DENND2B: variants seen among roughly 807,000 people sequenced by gnomAD.
DENND2B encodes DENN domain-containing protein 2B.
Under a neutral mutation model 116.0 loss-of-function variants are expected in DENND2B, and 32 were observed. The ratio of observed to expected loss-of-function variants is 0.28; its 90% CI spans 0.21 to 0.37. The LOEUF (loss-of-function observed/expected upper bound fraction) is 0.37. DENND2B is among the 10% of genes least tolerant of loss of function. The probability of loss-of-function intolerance (pLI) is 1.00; values close to 1 mark genes in which losing one functional copy is unlikely to be tolerated. For synonymous variants in DENND2B, 588 were observed against 583.9 expected (o/e 1.01, Z -0.10); for missense variants, 1,276 against 1,477.7 (o/e 0.86, Z 2.24).
At chr11:8,783,744 GT>G (rs1348373051) in intron 1 of DENND2B, among the ~76,000 whole-genome samples, 2 of 152,196 alleles carry the variant, frequency 1.3e-5, no homozygotes, top group East Asian at 3.8e-4. Flanking sequence ...TAGCAGATGA[GT>G]TTTACTTGAA....
At chr11:8,892,166 A>G (rs544425778) in intron 1 of DENND2B, among the ~76,000 whole-genome samples, 10 of 152,344 alleles carry the variant, frequency 6.6e-5, no homozygotes, top group African/African-American at 2.4e-4. Context: ...AAATGAAGGC[A>G]GAAATAAAGA....
At chr11:8,724,082 C>T (rs1304280447) in intron 4 of DENND2B, among the ~76,000 whole-genome samples, 3 of 152,140 alleles carry the variant, frequency 2.0e-5, no homozygotes, top group East Asian at 1.9e-4. Context: ...GATCATGAAG[C>T]CAGGAGATCG....
chr11:8,801,683 A>AC (rs964175350), intron 1 of DENND2B, among the ~76,000 whole-genome samples: 2 of 69,440 alleles, frequency 2.9e-5, no homozygotes, highest in Admixed American at 4.4e-4. Context: ...TCTCAAAAAA[A>AC]AAAAAAAAAG....
intron 4 of DENND2B, among the ~76,000 whole-genome samples, chr11:8,720,820 T>C (rs1185441494): frequency 6.6e-6 from 1 of 152,190 alleles, no homozygotes; most frequent in South Asian, 2.1e-4. Context: ...CAAATAAGTA[T>C]CAAAGGAATG....
At chr11:8,783,481 A>C (rs2058600065) in intron 1 of DENND2B, among the ~76,000 whole-genome samples, 1 of 152,238 alleles carries the variant, frequency 6.6e-6, no homozygotes, top group Non-Finnish European at 1.5e-5. Context: ...AGGTTACAAA[A>C]TATAAGTGAA....
intron 1 of DENND2B, among the ~76,000 whole-genome samples, chr11:8,778,872 C>G (rs1384096444): frequency 2.0e-5 from 3 of 152,218 alleles, no homozygotes; most frequent in African/African-American, 7.2e-5. Flanking sequence ...GCAGTTCCTC[C>G]CCAGACTCAA....
In DENND2B at chr11:8,702,527, T is replaced by C. The variant is rs368430255; in HGVS notation, c.2720+45A>G. ...ACACTTGCTGATTCGCTTGTGGGTG[T>C]GCCTTCCCCCCTCCCTTCTGCTTTC... is the stretch of plus-strand genomic sequence containing the variant. On this transcript the variant is annotated intron_variant, in intron 14 of 19. Coordinates refer to ENST00000313726, the MANE Select transcript of DENND2B (RefSeq NM_213618.2). The surrounding 1 kb of genome is among the most constrained non-coding windows in gnomAD (Gnocchi z 4.6). The C allele has an allele frequency of 7.0e-5, 113 of 1,604,764 alleles. No individual in the cohort carries two copies. The highest frequency in any genetic ancestry group is 2.5e-5 in the Non-Finnish European group (29 of 1,179,734).
intron 2 of DENND2B, among the ~76,000 whole-genome samples, chr11:8,869,523 G>A (rs566526090): frequency 6.6e-6 from 1 of 152,182 alleles, no homozygotes; most frequent in East Asian, 1.9e-4. Context: ...TTAGCCAGAC[G>A]TAGTGGCAGG....
At chr11:8,891,442 T>C (rs1388305702) in intron 1 of DENND2B, among the ~76,000 whole-genome samples, 3 of 152,258 alleles carry the variant, frequency 2.0e-5, no homozygotes, top group Non-Finnish European at 1.5e-5. Context: ...AGACACAGAC[T>C]AGTAAATTGG....
At chr11:8,711,576 AAGC>A (rs1338504774) in intron 9 of DENND2B, among the ~76,000 whole-genome samples, 1 of 151,892 alleles carries the variant, frequency 6.6e-6, no homozygotes, top group Non-Finnish European at 1.5e-5. Flanking sequence ...AAAAAAAAAT[AAGC>A]AGGGTGGCCG....
intron 3 of DENND2B, among the ~76,000 whole-genome samples, chr11:8,840,000 T>G (rs1195596673): frequency 1.3e-5 from 2 of 151,592 alleles, no homozygotes; most frequent in East Asian, 1.9e-4. Context: ...AGTTTTGGGG[T>G]TTTTTTTCAA....
At chr11:8,899,269 G>GAGAAAGAGAAAGGGAC (rs1430434073) in intron 1 of DENND2B, among the ~76,000 whole-genome samples, 1 of 150,488 alleles carries the variant, frequency 6.6e-6, no homozygotes, top group African/African-American at 2.5e-5. Context: ...AGAAAAAGAA[G>GAGAAAGAGAAAGGGAC]AGAAAGAGAA....
At chr11:8,874,373 T>C (rs1188856004), upstream of DENND2B, among the ~76,000 whole-genome samples, 2 of 152,256 alleles carry the variant, frequency 1.3e-5, no homozygotes, top group Non-Finnish European at 2.9e-5. Flanking sequence ...TACTTTGTTA[T>C]ATACCAAAAT....
chr11:8,707,929 C>T lies in DENND2B; in HGVS notation c.2353-75G>A. The T allele has an allele frequency of 6.4e-7, 1 of 1,552,814 alleles. No homozygotes were observed. The highest frequency in any genetic ancestry group is 8.7e-7 in the Non-Finnish European group (1 of 1,150,436). On this transcript the variant is annotated intron_variant, in intron 11 of 19. Transcript: ENST00000313726. The surrounding 1 kb of genome is among the most constrained non-coding windows in gnomAD (Gnocchi z 4.8). ...TGATTACCATTTCTGGCTCCTTTTC[C>T]TTGGGAACGGAGGAGTAAGGACTGC...
intron 2 of DENND2B, among the ~76,000 whole-genome samples, chr11:8,737,794 C>G (rs768704942): frequency 4.0e-5 from 6 of 151,860 alleles, no homozygotes; most frequent in Non-Finnish European, 8.8e-5. Context: ...GGGTCTTGCT[C>G]TGTCGCTCAG....
chr11:8,753,580 T>C (rs1284547819), intron 1 of DENND2B, among the ~76,000 whole-genome samples: 1 of 152,064 alleles, frequency 6.6e-6, no homozygotes, highest in Non-Finnish European at 1.5e-5. Context: ...TTTATGGAAA[T>C]GCAAGGGATA....
At chr11:8,749,214 G>A (rs2051874859) in intron 2 of DENND2B, among the ~76,000 whole-genome samples, 1 of 152,186 alleles carries the variant, frequency 6.6e-6, no homozygotes, top group Admixed American at 6.5e-5. Context: ...CTGAGACCTT[G>A]ACTTGTTTCT....
chr11:8,869,381 G>T (rs2134703230), intron 2 of DENND2B, among the ~76,000 whole-genome samples: 1 of 152,280 alleles, frequency 6.6e-6, no homozygotes, highest in Admixed American at 6.5e-5. Flanking sequence ...TTGCCAGATA[G>T]CCTGGGCCCA....
At chr11:8,866,236 G>C (rs548774912) in intron 2 of DENND2B, among the ~76,000 whole-genome samples, 1 of 152,314 alleles carries the variant, frequency 6.6e-6, no homozygotes, top group East Asian at 1.9e-4. Flanking sequence ...TGGGATTACA[G>C]GCGTGAGCCA....
Sources: gnomAD v4.1 joint callset for allele counts (sites outside exome capture counted in the v4.1 genomes callset) on GRCh38, gnomAD v4.1.1 for gene constraint, Gnocchi (gnomAD v3.1) non-coding constraint, MANE v1.5 for transcripts, NCBI Gene and HGNC (gene_info 2026-07-23, HGNC 2026-07-21) for gene names.